NFKBIB: variants seen among roughly 807,000 people sequenced by gnomAD.
NFKBIB encodes the protein NFKB inhibitor beta.
A neutral mutation model predicts 32.1 loss-of-function variants in NFKBIB; 16 were observed. The ratio of observed to expected loss-of-function variants is 0.50; its 90% CI spans 0.34 to 0.76. NFKBIB has a LOEUF of 0.76. Among genes scored for constraint, NFKBIB ranks in the 30% least tolerant of loss-of-function variants. NFKBIB has a pLI of 0.01. For synonymous variants in NFKBIB, 222 were observed against 219.5 expected (o/e 1.01, Z -0.10); for missense variants, 437 against 514.9 (o/e 0.85, Z 1.46).
At chr19:38,906,993 G>A (rs9636109) in intron 3 of NFKBIB, among the ~76,000 whole-genome samples, 115,796 of 152,130 alleles carry the variant, frequency 0.76, 45,398 homozygotes, top group East Asian at 0.96. Context: ...CTGTTTACCC[G>A]CGGGCCCCAG....
In NFKBIB at chr19:38,908,817, C is replaced by A. The variant is rs752068938; in HGVS notation, c.1056C>A (p.Asp352Glu). 1.2e-6 allele frequency: 2 copies of A among 1,611,118 alleles called. No homozygotes were observed. The highest frequency in any genetic ancestry group is 1.1e-5 in the South Asian group (1 of 90,584). ...PTPASKPLPD[D>E]PRPV ...CAGCCTCAAAACCTCTTCCTGACGA[C>A]CCCCGCCCCGTGTGATTTGTTTCAT... Residue 352 changes from aspartate (D) to glutamate (E), a missense_variant, in exon 6 of 6, where the codon GAC (aspartate) becomes GAA (glutamate). Asp to Glu is a conservative substitution (Grantham distance 45). Transcript: ENST00000313582.
intron 4 of NFKBIB, 28 bp from the exon 5 acceptor site, chr19:38,907,371 C>T (rs752879690): frequency 6.3e-7 from 1 of 1,592,540 alleles, no homozygotes; most frequent in Non-Finnish European, 8.6e-7. Context: ...TCTTCGGGCC[C>T]TCTGACCTTT....
At position 38,908,858 on chromosome 19, in the gene NFKBIB, C is replaced by T. The variant is rs773209288; in HGVS notation, c.*26C>T. 3 of 1,610,994 alleles carry T rather than the reference C, an allele frequency of 1.9e-6. No individual in the cohort carries two copies. Among genetic ancestry groups the T allele is most frequent in the African/African-American group, 2.7e-5 (2 of 74,680 alleles). ...TTTGTTTCATTGTTAATATAATTTC[C>T]AGTTTAATAAACAAAACCCTAGTTC... On this transcript the variant is annotated 3_prime_UTR_variant, in exon 6 of 6. Transcript: ENST00000313582.
chr19:38,907,897 G>C, intron 5 of NFKBIB: 2 of 1,369,506 alleles, frequency 1.5e-6, no homozygotes, highest in Non-Finnish European at 1.9e-6. Flanking sequence ...GGCAGGGGTG[G>C]AGAAAAGGCG....
intron 5 of NFKBIB, chr19:38,907,926 G>C (rs1198581782): frequency 7.5e-7 from 1 of 1,331,492 alleles, no homozygotes; most frequent in Non-Finnish European, 9.6e-7. Flanking sequence ...AGTGATTGGT[G>C]AACACAGCGG....
intron 5 of NFKBIB, 45 bp downstream of exon 5, chr19:38,907,704 A>G: frequency 6.5e-7 from 1 of 1,528,814 alleles, no homozygotes; most frequent in Non-Finnish European, 8.8e-7. Flanking sequence ...GGGGGTCAGG[A>G]TAGACCGGCA....
In NFKBIB at chr19:38,905,140, G is replaced by A. The variant is rs1469344312; in HGVS notation, c.285+20G>A. ...GGCCAGGTGAGCCACGAGGGATGGTGTAGGGCTTGGGGTCCAGGGTTCCCA... is the reference window on the plus strand; with the variant it reads ...GGCCAGGTGAGCCACGAGGGATGGTATAGGGCTTGGGGTCCAGGGTTCCCA... On this transcript the variant is annotated intron_variant, in intron 2 of 5. Coordinates refer to ENST00000313582, the MANE Select transcript of NFKBIB (RefSeq NM_002503.5). This position sits in a 1 kb window ranked among gnomAD's most constrained non-coding sequence, Gnocchi z 5.5. 1.9e-6 allele frequency: 3 copies of A among 1,613,664 alleles called. No individual in the cohort carries two copies. The African/African-American group carries it at 4.0e-5, about 22-fold the overall frequency.
rs1044914873 is a variant in NFKBIB at position 38,908,010 on chromosome 19, G to A, written c.969+351G>A. On this transcript the variant is annotated intron_variant, in intron 5 of 5. Transcript: ENST00000313582. ...ACTCACACTGCGAAAAGAAAACCTT[G>A]GGTGGCAGTGATTTGAACACCGGCA... The A allele has an allele frequency of 6.2e-6, 7 of 1,134,564 alleles. No homozygotes were observed. In the African/African-American group the frequency reaches 8.0e-5, roughly 13 times the overall value. 70.3% of individuals were successfully genotyped at this position (1,134,564 alleles called of 1,614,324 possible). A position where few individuals can be genotyped will look rare whatever the true frequency, so the allele number is the denominator to read the frequency against.
Position 38,907,095 on chromosome 19 carries a change from A to G in NFKBIB, c.620-126A>G, listed in dbSNP as rs912275308. ...CCCAGGTACCTCTTTGCCATACCCA[A>G]GAATTCAGGAACCAGCCCCCAAACC... On this transcript the variant is annotated intron_variant, in intron 3 of 5. Coordinates refer to ENST00000313582, the MANE Select transcript of NFKBIB (RefSeq NM_002503.5). The G allele has an allele frequency of 4.7e-6, 4 of 857,486 alleles. No homozygotes were observed. The African/African-American group carries it at 6.7e-5, about 14-fold the overall frequency. The allele number at this position is 857,486 out of a possible 1,614,324, so 53.1% of individuals were successfully genotyped here. A position where few individuals can be genotyped will look rare whatever the true frequency, so the allele number is the denominator to read the frequency against.
In NFKBIB at chr19:38,907,530, T is replaced by C. The variant is rs775859267; in HGVS notation, c.840T>C (p.Ser280=). The C allele has an allele frequency of 3.1e-6, 5 of 1,612,580 alleles. No homozygotes were observed. The highest frequency in any genetic ancestry group is 1.1e-5 in the South Asian group (1 of 91,054). The change falls in exon 5 of 6, where the codon AGT becomes AGC. Residue 280 remains serine, a synonymous_variant. Transcript: ENST00000313582. ...RMYGGRTPLG[S]AMLRPNPILA... is the part of the protein sequence containing the mutation. ...ACGGTGGCCGCACCCCACTCGGCAG[T>C]GCCATGCTCCGGCCCAACCCCATCC...
At chr19:38,907,926 G>A in intron 5 of NFKBIB, 1 of 1,331,610 alleles carries the variant, frequency 7.5e-7, no homozygotes, top group Non-Finnish European at 9.6e-7. Flanking sequence ...AGTGATTGGT[G>A]AACACAGCGG....
At chr19:38,900,352 G>C (rs1600140030) in intron 1 of NFKBIB, 141 bp downstream of exon 1, 7 of 913,342 alleles carry the variant, frequency 7.7e-6, no homozygotes, top group South Asian at 5.5e-5. Flanking sequence ...TAACCCCCGA[G>C]TCCTAACTTT....
In NFKBIB at chr19:38,907,562, G is replaced by A. The variant is rs557957478; in HGVS notation, c.872G>A (p.Arg291His). The A allele has an allele frequency of 7.4e-6, 12 of 1,612,434 alleles. No homozygotes were observed. The highest frequency in any genetic ancestry group is 1.0e-5 in the Non-Finnish European group (12 of 1,179,620). The change falls in exon 5 of 6, where the codon CGC becomes CAC. Residue 291 changes from arginine to histidine, a missense_variant. Transcript: ENST00000313582. ...CTCCGGCCCAACCCCATCCTCGCCC[G>A]CCTCCTCCGTGCACACGGAGCCCCT... The part of the protein sequence containing the change: ...AMLRPNPILA[R>H]LLRAHGAPEP...
At chr19:38,904,938 A>T (rs945620267) in intron 1 of NFKBIB, 77 bp from the exon 2 acceptor site, 5 of 1,308,502 alleles carry the variant, frequency 3.8e-6, no homozygotes, top group African/African-American at 1.5e-5. Context: ...AGCATACAGT[A>T]GGCGCCCCAT....
At chr19:38,902,360 G>C (rs532837981) in intron 1 of NFKBIB, among the ~76,000 whole-genome samples, 1 of 151,828 alleles carries the variant, frequency 6.6e-6, no homozygotes, top group African/African-American at 2.4e-5. Flanking sequence ...GTGAGCCACC[G>C]CGCCCGGCCT....
upstream of NFKBIB, chr19:38,899,941 G>C: frequency 2.3e-6 from 3 of 1,308,380 alleles, no homozygotes; most frequent in Non-Finnish European, 3.1e-6. Flanking sequence ...GGGCGTGGTG[G>C]GGAATTTCCC....
At position 38,905,570 on chromosome 19, in the gene NFKBIB, G is replaced by A. The variant is rs376258456; in HGVS notation, c.619+35G>A. The A allele has an allele frequency of 6.5e-7, 1 of 1,534,836 alleles. No homozygotes were observed. The highest frequency in any genetic ancestry group is 8.8e-7 in the Non-Finnish European group (1 of 1,134,354). On this transcript the variant is annotated intron_variant, in intron 3 of 5. Transcript: ENST00000313582. This position sits in a 1 kb window ranked among gnomAD's most constrained non-coding sequence, Gnocchi z 5.5. The stretch of plus-strand genomic sequence containing the variant: ...GTCACCAGGGAAGGACTCAGCTCCT[G>A]GGCTAGGCGAGAGCACCTGGCCCTG...
At chr19:38,901,256 T>C (rs1262564679) in intron 1 of NFKBIB, among the ~76,000 whole-genome samples, 5 of 152,144 alleles carry the variant, frequency 3.3e-5, no homozygotes, top group African/African-American at 1.2e-4. Context: ...TTAATTTTGG[T>C]TTCATTAATT....
At position 38,907,465 on chromosome 19, in the gene NFKBIB, C is replaced by A. The variant is rs533991394; in HGVS notation, c.775C>A (p.Leu259Ile). Reference protein sequence around the residue: ...VEAQAADVLELLLRAGANPAA... With the variant: ...VEAQAADVLEILLRAGANPAA... ...GGCCCAGGCAGCCGATGTGCTGGAG[C>A]TTCTCCTGAGGGCAGGCGCGAACCC... The change falls in exon 5 of 6, where the codon CTT becomes ATT. Residue 259 changes from leucine to isoleucine, a missense_variant. Coordinates refer to ENST00000313582, the MANE Select transcript of NFKBIB (RefSeq NM_002503.5). 1 of 1,610,222 alleles carries A rather than the reference C, an allele frequency of 6.2e-7. No individual in the cohort carries two copies. Among genetic ancestry groups the A allele is most frequent in the Non-Finnish European group, 8.5e-7 (1 of 1,178,004 alleles).
Sources: allele counts gnomAD v4.1 joint callset (sites outside exome capture counted in the v4.1 genomes callset), GRCh38; gene constraint gnomAD v4.1.1; non-coding constraint Gnocchi (gnomAD v3.1); transcripts MANE v1.5; gene names NCBI Gene and HGNC (gene_info 2026-07-23, HGNC 2026-07-21).